Variants in DISP1 observed in about 807,000 individuals in gnomAD.
The protein encoded by DISP1 is protein dispatched homolog 1.
In DISP1, 30 loss-of-function variants were observed where a neutral mutation model predicts 37.3. The observed-to-expected ratio is 0.80, with a 90% confidence interval of 0.60 to 1.09. The LOEUF (loss-of-function observed/expected upper bound fraction) is 1.09. DISP1 is among the 50% of genes least tolerant of loss of function. DISP1 has a pLI of 0.00. For synonymous variants in DISP1, 634 were observed against 690.2 expected (o/e 0.92, Z 1.28); for missense variants, 1,598 against 1,879.5 (o/e 0.85, Z 2.77).
chr1:222,910,616 A>G (rs774227863), intron 1 of DISP1, among the ~76,000 whole-genome samples: 2 of 152,222 alleles, frequency 1.3e-5, no homozygotes, highest in African/African-American at 4.8e-5. Context: ...TTGTTCAATT[A>G]TAGCATTAAT....
At chr1:222,979,669 C>T (rs539109111) in intron 3 of DISP1, 3 of 470,872 alleles carry the variant, frequency 6.4e-6, no homozygotes, top group South Asian at 3.1e-5. Flanking sequence ...CAGATGTGAA[C>T]GTGTTCACTG....
intron 3 of DISP1, among the ~76,000 whole-genome samples, chr1:222,965,719 C>T (rs1676429309): frequency 6.6e-6 from 1 of 152,042 alleles, no homozygotes; most frequent in Non-Finnish European, 1.5e-5. Context: ...CAGTTTTTTT[C>T]TTACCCCCAT....
At chr1:222,990,942 C>G (rs909769807) in intron 5 of DISP1, among the ~76,000 whole-genome samples, 194 bp downstream of exon 5, 3 of 152,162 alleles carry the variant, frequency 2.0e-5, no homozygotes, top group African/African-American at 7.2e-5. Context: ...CTTGTTTACC[C>G]TCAAAAATCT....
intron 2 of DISP1, among the ~76,000 whole-genome samples, chr1:222,932,499 T>G (rs953368179): frequency 6.6e-6 from 1 of 151,972 alleles, no homozygotes. Context: ...AGGAGAACTT[T>G]GTAGAATTTT....
rs192911411 is a variant in DISP1 at position 222,961,767 on chromosome 1, G to A, written c.509+18435G>A. ...TCACGCCTGTAATCCCAACACTTTG[G>A]GAGGCCGAGGCGGGTGGATCACGAG... On this transcript the variant is annotated intron_variant, in intron 3 of 8. Transcript: ENST00000675850. Among the ~76,000 whole-genome samples the A allele has an allele frequency of 2.2e-3, 332 of 152,306 alleles. 2 individuals are homozygous for A. Among genetic ancestry groups the A allele is most frequent in the African/African-American group, 7.4e-3 (307 of 41,564 alleles).
intron 3 of DISP1, among the ~76,000 whole-genome samples, chr1:222,970,239 T>C (rs1234428464): frequency 1.3e-5 from 2 of 152,172 alleles, no homozygotes; most frequent in Non-Finnish European, 2.9e-5. Context: ...GGATGTGTTA[T>C]TAGTGTCACC....
At chr1:222,878,724 A>G (rs1405418672) in intron 1 of DISP1, among the ~76,000 whole-genome samples, 1 of 152,182 alleles carries the variant, frequency 6.6e-6, no homozygotes, top group Non-Finnish European at 1.5e-5. Context: ...TTATGGATAA[A>G]GCATTTTTGC....
At chr1:222,909,752 GC>G (rs1407497247) in intron 1 of DISP1, among the ~76,000 whole-genome samples, 3 of 152,188 alleles carry the variant, frequency 2.0e-5, no homozygotes, top group African/African-American at 7.2e-5. Context: ...TGATAAGTAG[GC>G]CTGGAACTCT....
At chr1:222,889,011 A>T (rs985817612) in intron 1 of DISP1, among the ~76,000 whole-genome samples, 2 of 152,178 alleles carry the variant, frequency 1.3e-5, no homozygotes, top group Non-Finnish European at 2.9e-5. Context: ...AATATCCATC[A>T]TCTCAAACAT....
At chr1:222,995,708 T>C (rs1197953226) in intron 8 of DISP1, among the ~76,000 whole-genome samples, 1 of 152,206 alleles carries the variant, frequency 6.6e-6, no homozygotes, top group Non-Finnish European at 1.5e-5. Flanking sequence ...AACTGCTATC[T>C]GATGTCACTA....
intron 1 of DISP1, among the ~76,000 whole-genome samples, chr1:222,859,662 C>T (rs1668762641): frequency 6.6e-6 from 1 of 151,890 alleles, no homozygotes; most frequent in African/African-American, 2.4e-5. Flanking sequence ...GACTATCTTC[C>T]CAAAAGCAGA....
chr1:222,990,927 A>C (rs187710917), intron 5 of DISP1, among the ~76,000 whole-genome samples, 179 bp downstream of exon 5: 2 of 152,344 alleles, frequency 1.3e-5, no homozygotes, highest in East Asian at 3.9e-4. Context: ...TAAAAGGTCA[A>C]GGAACTTGTT....
At chr1:222,998,940 A>C (rs1429601569) in intron 8 of DISP1, among the ~76,000 whole-genome samples, 1 of 152,112 alleles carries the variant, frequency 6.6e-6, no homozygotes, top group East Asian at 1.9e-4. Context: ...TTAAACGTTT[A>C]ATACATAGGG....
In DISP1 at chr1:222,904,094, G is replaced by A. The variant is rs1572471955; in HGVS notation, c.-158-24336G>A. ...GTCTTCTTATTCATTTCCCTAATTG[G>A]GAAGGATGAAGCTAGTAAGTTATTG... On this transcript the variant is annotated intron_variant, in intron 1 of 8. Coordinates refer to ENST00000675850, the MANE Select transcript of DISP1 (RefSeq NM_001377229.1). Among the ~76,000 whole-genome samples the A allele has an allele frequency of 2.0e-5, 3 of 152,238 alleles. No individual in the cohort carries two copies. The South Asian group carries it at 6.2e-4, about 32-fold the overall frequency.
At chr1:222,957,867 C>G (rs1462048943) in intron 3 of DISP1, among the ~76,000 whole-genome samples, 1 of 152,176 alleles carries the variant, frequency 6.6e-6, no homozygotes, top group Non-Finnish European at 1.5e-5. Context: ...AAGTTTCTTT[C>G]TAACCTAAGT....
intron 1 of DISP1, among the ~76,000 whole-genome samples, chr1:222,923,140 C>G (rs1203861108): frequency 6.6e-6 from 1 of 152,046 alleles, no homozygotes; most frequent in African/African-American, 2.4e-5. Context: ...TAGGGGAAAA[C>G]TAAATATTTT....
intron 3 of DISP1, among the ~76,000 whole-genome samples, chr1:222,970,250 C>T (rs1177753548): frequency 6.6e-6 from 1 of 152,092 alleles, no homozygotes; most frequent in African/African-American, 2.4e-5. Flanking sequence ...TAGTGTCACC[C>T]GTTCATCAAT....
intron 7 of DISP1, among the ~76,000 whole-genome samples, chr1:222,993,573 G>A (rs775572825): frequency 2.6e-5 from 4 of 152,094 alleles, no homozygotes; most frequent in Non-Finnish European, 5.9e-5. Flanking sequence ...TAGATAGTAG[G>A]AGATGAGGCA....
At chr1:222,819,220 G>C in intron 1 of DISP1, among the ~76,000 whole-genome samples, 1 of 152,286 alleles carries the variant, frequency 6.6e-6, no homozygotes, top group East Asian at 1.9e-4. Context: ...TGCAATGATT[G>C]TAAGTTTCCT....
Sources: gnomAD v4.1 joint callset for allele counts (sites outside exome capture counted in the v4.1 genomes callset) on GRCh38, gnomAD v4.1.1 for gene constraint, MANE v1.5 for transcripts, NCBI Gene and HGNC (gene_info 2026-07-23, HGNC 2026-07-21) for gene names.